USP9X: variants seen among roughly 807,000 people sequenced by gnomAD.
The protein encoded by USP9X is ubiquitin specific peptidase 9 X-linked.
In USP9X, 7 loss-of-function variants were observed where a neutral mutation model predicts 190.3. The ratio of observed to expected loss-of-function variants is 0.04; its 90% confidence interval spans 0.02 to 0.07. The LOEUF (loss-of-function observed/expected upper bound fraction) is 0.07, where lower values mean the gene tolerates loss of function less well. Ranked by LOEUF, USP9X falls within the 10% of genes least tolerant of loss-of-function variation. USP9X has a pLI of 1.00. For missense variants in USP9X, 1,010 were observed against 1,916.9 expected (o/e 0.53, Z 8.83); for synonymous variants, 645 against 659.5 (o/e 0.98, Z 0.34).
chrX:41,178,514 A>G (rs183285176), intron 21 of USP9X, among the ~76,000 whole-genome samples: 9 of 111,576 alleles, frequency 8.1e-5, no homozygotes, highest in Non-Finnish European at 1.7e-4. Context: ...CATGTTGGCC[A>G]TTTGGATGTC....
rs2063391944 is a variant in USP9X, at chrX:41,235,268, A to G, written c.*2744A>G. ...TTTTCTATATTTAACTCAAGCATTA[A>G]TGTATAACCAGAAATTTAAAGATGC... On this transcript the variant is annotated 3_prime_UTR_variant, in exon 45 of 45. Coordinates refer to ENST00000378308, the MANE Select transcript of USP9X (RefSeq NM_001039591.3). 8.9e-6 allele frequency: 1 copy of G among 112,826 alleles called. No homozygotes were observed. Among genetic ancestry groups the G allele is most frequent in the Non-Finnish European group, 1.9e-5 (1 of 53,346 alleles). The allele number at this position is 112,826 out of a possible 1,213,427, so 9.3% of individuals were successfully genotyped here.
At chrX:41,168,677 T>G (rs1050223638) in intron 18 of USP9X, among the ~76,000 whole-genome samples, 3 of 111,228 alleles carry the variant, frequency 2.7e-5, no homozygotes, top group South Asian at 3.7e-4. Flanking sequence ...TGACTTTTTG[T>G]GGAGGTGGGG....
intron 1 of USP9X, among the ~76,000 whole-genome samples, chrX:41,111,078 T>C (rs1451208718): frequency 1.8e-5 from 2 of 111,555 alleles, no homozygotes; most frequent in African/African-American, 3.3e-5. Flanking sequence ...AGCACTGCTA[T>C]AGACTGAACG....
chrX:41,166,474 C>G (rs2062679535), intron 16 of USP9X, among the ~76,000 whole-genome samples: 1 of 111,391 alleles, frequency 9.0e-6, no homozygotes, highest in Non-Finnish European at 1.9e-5. Flanking sequence ...ACTAAACATA[C>G]AAATCTTTCA....
intron 1 of USP9X, among the ~76,000 whole-genome samples, chrX:41,096,839 A>G (rs2061995141): frequency 8.9e-6 from 1 of 112,396 alleles, no homozygotes; most frequent in African/African-American, 3.2e-5. Context: ...ATGTTGGGCA[A>G]GAGGTGAGTT....
chrX:41,122,496 G>A (rs148859893), intron 1 of USP9X, among the ~76,000 whole-genome samples: 2,005 of 111,860 alleles, frequency 0.018, 37 homozygotes, highest in African/African-American at 0.062. Context: ...TGTGACAGGG[G>A]TGTGGCTCAT....
chrX:41,171,567 C>T, intron 20 of USP9X: 1 of 318,050 alleles, frequency 3.1e-6, no homozygotes, highest in Non-Finnish European at 5.7e-6. Context: ...TTTGTTATGT[C>T]CAGAGTCTAA....
chrX:41,192,192 T>A (rs1042200687), intron 26 of USP9X, among the ~76,000 whole-genome samples: 3 of 112,311 alleles, frequency 2.7e-5, no homozygotes, highest in Non-Finnish European at 5.6e-5. Flanking sequence ...TATCTTTGAA[T>A]TAAGTTCAAA....
chrX:41,187,935 C>A, intron 24 of USP9X, 57 bp from the exon 25 acceptor site: 4 of 1,061,078 alleles, frequency 3.8e-6, no homozygotes, highest in Non-Finnish European at 3.7e-6. Context: ...TTTTGTTTTT[C>A]TAAACATAAT....
At chrX:41,129,610 C>A (rs947094149) in intron 3 of USP9X, among the ~76,000 whole-genome samples, 1 of 111,818 alleles carries the variant, frequency 8.9e-6, no homozygotes, top group East Asian at 2.8e-4. Flanking sequence ...CAAACAACCA[C>A]CCTATCCCAC....
intron 32 of USP9X, among the ~76,000 whole-genome samples, chrX:41,206,421 C>T (rs1409636148): frequency 2.7e-5 from 3 of 112,126 alleles, no homozygotes; most frequent in Non-Finnish European, 3.8e-5. Flanking sequence ...CCATTTACCA[C>T]AAATGGTTGG....
chrX:41,172,057 A>G (rs1205510220), intron 21 of USP9X, 99 bp downstream of exon 21: 9 of 989,685 alleles, frequency 9.1e-6, no homozygotes, highest in Admixed American at 8.5e-5. Context: ...GGTATAGACT[A>G]TAACAAGAGT....
At chrX:41,131,621 G>A in intron 4 of USP9X, 85 bp downstream of exon 4, 1 of 876,945 alleles carries the variant, frequency 1.1e-6, no homozygotes, top group East Asian at 3.4e-5. Flanking sequence ...AAGTGGATTT[G>A]TTTTCCTCCA....
Position 41,086,009 on chromosome X carries a change from A to G in USP9X, c.-259A>G, listed in dbSNP as rs1343867100. The G allele has an allele frequency of 1.0e-5, 3 of 295,922 alleles. No individual in the cohort carries two copies. Among genetic ancestry groups the G allele is most frequent in the African/African-American group, 2.7e-5 (1 of 36,446 alleles). The allele number at this position is 295,922 out of a possible 1,213,427, so 24.4% of individuals were successfully genotyped here. Reference sequence around the variant, plus strand: ...GTTGCCGGTCACCCCCGGGCCTGGGATGCACCCAGGGTAGGTCTCGTCCCG... The same window carrying G: ...GTTGCCGGTCACCCCCGGGCCTGGGGTGCACCCAGGGTAGGTCTCGTCCCG... On this transcript the variant is annotated 5_prime_UTR_variant, in exon 1 of 45. It removes an upstream start codon present in the reference 5' UTR. Coordinates refer to ENST00000378308, the MANE Select transcript of USP9X (RefSeq NM_001039591.3).
intron 5 of USP9X, 31 bp downstream of exon 5, chrX:41,134,868 GATTTAC>G: frequency 4.6e-6 from 5 of 1,076,358 alleles, no homozygotes; most frequent in Non-Finnish European, 6.5e-6. Flanking sequence ...TAAAGGATCA[GATTTAC>G]ATAGTGATGC....
chrX:41,208,948 T>A (rs1485874779), intron 32 of USP9X, among the ~76,000 whole-genome samples: 1 of 111,091 alleles, frequency 9.0e-6, no homozygotes, highest in Non-Finnish European at 1.9e-5. Flanking sequence ...GACCTCGTGA[T>A]CCACCCGGCT....
At position 41,235,217 on chromosome X, in the gene USP9X, G is replaced by A. The variant is rs896457687; in HGVS notation, c.*2693G>A. ...GTTGTGACTAGGAGCAAGGGAAAGT[G>A]GAGTTATTTTTGTTTGTGCAAATTA... On this transcript the variant is annotated 3_prime_UTR_variant, in exon 45 of 45. Transcript: ENST00000378308. The A allele has an allele frequency of 1.8e-5, 2 of 111,979 alleles. No homozygotes were observed. Among genetic ancestry groups the A allele is most frequent in the Non-Finnish European group, 3.8e-5 (2 of 53,186 alleles). 9.2% of individuals were successfully genotyped at this position (111,979 alleles called of 1,213,427 possible).
At chrX:41,145,034 C>T (rs1045147895) in intron 11 of USP9X, among the ~76,000 whole-genome samples, 1 of 111,655 alleles carries the variant, frequency 9.0e-6, no homozygotes, top group African/African-American at 3.3e-5. Flanking sequence ...CCCAAGAACT[C>T]CTCCTACAGT....
At position 41,158,367 on chromosome X, in the gene USP9X, T is replaced by C. The variant is rs764617238; in HGVS notation, c.1898-4423T>C. 3.2e-4 allele frequency among the ~76,000 whole-genome samples: 36 copies of C among 111,221 alleles called. No homozygotes were observed. The South Asian group carries it at 4.6e-3, about 14-fold the overall frequency. The stretch of plus-strand genomic sequence containing the variant: ...GTCTTCCTGCACAAGGAAACCCCAA[T>C]AAAAATTAACCGCTGACTTCTCATC... On this transcript the variant is annotated intron_variant, in intron 14 of 44. Coordinates refer to ENST00000378308, the MANE Select transcript of USP9X (RefSeq NM_001039591.3).
Sources: allele counts gnomAD v4.1 joint callset (sites outside exome capture counted in the v4.1 genomes callset), GRCh38; gene constraint gnomAD v4.1.1; transcripts MANE v1.5; gene names NCBI Gene and HGNC (gene_info 2026-07-23, HGNC 2026-07-21).